The following SLC35F5 variants were observed in gnomAD, a reference collection of about 807,000 sequenced individuals.
SLC35F5 encodes HCV NS5A-transactivated protein 3.
Under a neutral mutation model 68.6 loss-of-function variants are expected in SLC35F5, and 54 were observed. The observed-to-expected ratio is 0.79, with a 90% CI of 0.63 to 0.99. The LOEUF (loss-of-function observed/expected upper bound fraction) is 0.99. Ranked by LOEUF, SLC35F5 falls within the 50% of genes least tolerant of loss-of-function variation. The pLI, the probability that SLC35F5 is intolerant of heterozygous loss-of-function variation, is 0.00. For missense variants in SLC35F5, 567 were observed against 626.9 expected (o/e 0.90, Z 1.02); for synonymous variants, 211 against 205.2 (o/e 1.03, Z -0.24).
chr2:113,706,123 T>G (rs1234309808), downstream of SLC35F5, among the ~76,000 whole-genome samples: 1 of 152,156 alleles, frequency 6.6e-6, no homozygotes, highest in East Asian at 1.9e-4. Context: ...TGGTCCCCAG[T>G]GCAAATGTGC....
At chr2:113,736,483 T>G (rs970244004) in intron 7 of SLC35F5, among the ~76,000 whole-genome samples, 1 of 151,980 alleles carries the variant, frequency 6.6e-6, no homozygotes, top group African/African-American at 2.4e-5. Flanking sequence ...CTGCTGACAC[T>G]CTGTTAAGTT....
chr2:113,755,462 A>C lies in SLC35F5; in HGVS notation c.123T>G (p.Leu41=). 6.2e-7 allele frequency: 1 copy of C among 1,614,120 alleles called. No individual in the cohort carries two copies. The stretch of plus-strand genomic sequence containing the variant: ...ATAAACGTGGAATCTACCTTGTCTT[A>C]AGAGCCCTTCTGAGATCCTCAAGAG... The part of the protein sequence containing the change: ...GIALEDLRRA[L]KTRLQMVCVF... Residue 41 remains leucine (L), a synonymous_variant, in exon 2 of 16, where the codon CTT becomes CTG. Coordinates refer to ENST00000245680, the MANE Select transcript of SLC35F5 (RefSeq NM_025181.5).
At chr2:113,722,728 G>A (rs1239786344) in intron 13 of SLC35F5, among the ~76,000 whole-genome samples, 1 of 152,202 alleles carries the variant, frequency 6.6e-6, no homozygotes, top group Non-Finnish European at 1.5e-5. Flanking sequence ...CAAACAGCAT[G>A]ATTCCTGTGC....
chr2:113,751,843 T>C (rs1352805446), intron 3 of SLC35F5, among the ~76,000 whole-genome samples: 2 of 152,014 alleles, frequency 1.3e-5, no homozygotes, highest in Admixed American at 6.6e-5. Context: ...CTATAATAAA[T>C]GGCCAAATCC....
At chr2:113,735,974 T>A in intron 7 of SLC35F5, 116 bp from the exon 8 acceptor site, 1 of 614,018 alleles carries the variant, frequency 1.6e-6, no homozygotes, top group Non-Finnish European at 2.8e-6. Context: ...CAAGATGTTT[T>A]AAAAGCTGCT....
intron 3 of SLC35F5, among the ~76,000 whole-genome samples, chr2:113,751,924 A>G (rs1676760503): frequency 6.6e-6 from 1 of 150,790 alleles, no homozygotes; most frequent in East Asian, 2.0e-4. Flanking sequence ...TTAAAGATTA[A>G]TAAGATGTCA....
chr2:113,745,405 G>A (rs1420436750), intron 5 of SLC35F5, among the ~76,000 whole-genome samples: 1 of 152,136 alleles, frequency 6.6e-6, no homozygotes, highest in Non-Finnish European at 1.5e-5. Context: ...TTAAATTTTA[G>A]AGTAACTAAA....
chr2:113,732,308 G>A (rs1467845773), intron 9 of SLC35F5, among the ~76,000 whole-genome samples: 1 of 152,012 alleles, frequency 6.6e-6, no homozygotes, highest in Non-Finnish European at 1.5e-5. Flanking sequence ...CAAAGCACTG[G>A]GTTACAGAAG....
In SLC35F5 at chr2:113,714,357, C is replaced by G. The variant is rs570892957; in HGVS notation, c.*861G>C. On this transcript the variant is annotated 3_prime_UTR_variant, in exon 16 of 16. Transcript: ENST00000245680. ...GATACATCTACAATACACAAATAGACGTATAAACATTGTATTTTAATAATA... is the reference window on the plus strand; with the variant it reads ...GATACATCTACAATACACAAATAGAGGTATAAACATTGTATTTTAATAATA... 1 of 152,040 alleles carries G rather than the reference C, an allele frequency of 6.6e-6. No homozygotes were observed. Among genetic ancestry groups the G allele is most frequent in the Non-Finnish European group, 1.5e-5 (1 of 67,972 alleles). The allele number at this position is 152,040 out of a possible 1,614,324, so 9.4% of individuals were successfully genotyped here.
chr2:113,755,052 A>G (rs1676911020), intron 3 of SLC35F5, 113 bp downstream of exon 3: 1 of 1,077,542 alleles, frequency 9.3e-7, no homozygotes. Flanking sequence ...ATTCAATAGT[A>G]TTTAAGATAC....
rs1202138590 is a variant in SLC35F5, at chr2:113,712,497, A to T, written c.*2721T>A. On this transcript the variant is annotated 3_prime_UTR_variant, in exon 16 of 16. Transcript: ENST00000245680. ...CGCCCGGCTAATTCTTTGTATTTTT[A>T]GTAGAGACGGGGTTTCACTGTGTTA... 6.6e-6 allele frequency among the ~76,000 whole-genome samples: 1 copy of T among 151,528 alleles called. No individual in the cohort carries two copies. The highest frequency in any genetic ancestry group is 1.9e-4 in the East Asian group (1 of 5,138).
At chr2:113,724,949 A>T (rs1262018422) in intron 12 of SLC35F5, among the ~76,000 whole-genome samples, 1 of 152,224 alleles carries the variant, frequency 6.6e-6, no homozygotes, top group Non-Finnish European at 1.5e-5. Context: ...AAAAACACCT[A>T]TGAACAAGCA....
chr2:113,746,927 A>G (rs909606189), intron 4 of SLC35F5, among the ~76,000 whole-genome samples: 1 of 139,548 alleles, frequency 7.2e-6, no homozygotes, highest in Non-Finnish European at 1.6e-5. Context: ...GTCTCAAAAA[A>G]AGAAAAAAAA....
intron 3 of SLC35F5, among the ~76,000 whole-genome samples, chr2:113,754,466 T>C (rs906344731): frequency 2.0e-5 from 3 of 152,182 alleles, no homozygotes; most frequent in Non-Finnish European, 4.4e-5. Context: ...AATTGCAACG[T>C]AGAAGTTGAA....
intron 6 of SLC35F5, 84 bp downstream of exon 6, chr2:113,743,629 G>A (rs1676370987): frequency 2.9e-6 from 3 of 1,047,336 alleles, no homozygotes; most frequent in Non-Finnish European, 4.3e-6. Flanking sequence ...ACTGCTACAT[G>A]TTTCAGTCAA....
rs1180798318 is a variant in SLC35F5, at chr2:113,709,890, C to T, written c.*5328G>A. Among the ~76,000 whole-genome samples the T allele has an allele frequency of 6.6e-6, 1 of 152,186 alleles. No homozygotes were observed. The highest frequency in any genetic ancestry group is 1.5e-5 in the Non-Finnish European group (1 of 68,024). Reference sequence around the variant, plus strand: ...GCAGTGGCCCAATAATAACTCACTGCAGCCTCGAACTCCTGGGTTCAAGTG... The same window carrying T: ...GCAGTGGCCCAATAATAACTCACTGTAGCCTCGAACTCCTGGGTTCAAGTG... On this transcript the variant is annotated 3_prime_UTR_variant, in exon 16 of 16. Coordinates refer to ENST00000245680, the MANE Select transcript of SLC35F5 (RefSeq NM_025181.5).
intron 13 of SLC35F5, among the ~76,000 whole-genome samples, chr2:113,720,567 A>C (rs1470046638): frequency 1.3e-5 from 2 of 152,182 alleles, no homozygotes; most frequent in Non-Finnish European, 2.9e-5. Flanking sequence ...CCCCGGAAAG[A>C]ATAGTCATTA....
chr2:113,735,836 T>G lies in SLC35F5; in HGVS notation c.773A>C (p.Tyr258Ser), dbSNP rs1193722870. The change falls in exon 8 of 16, where the codon TAT (tyrosine) becomes TCT (serine). Residue 258 changes from tyrosine to serine, a missense_variant. Tyr to Ser is a moderately radical substitution (Grantham distance 144). Coordinates refer to ENST00000245680, the MANE Select transcript of SLC35F5 (RefSeq NM_025181.5). ...TTGTGTGTCTGAAAGTGCTTCTTGA[T>G]ATGACAAATTTGCCAAAAACCACTA... ...CFVWFLANLS[Y>S]QEALSDTQVA... 1.9e-6 allele frequency: 3 copies of G among 1,610,136 alleles called. No homozygotes were observed. In the African/African-American group the frequency reaches 4.0e-5, roughly 22 times the overall value.
rs755545858 is a variant in SLC35F5 at position 113,719,295 on chromosome 2, C to T, written c.1355G>A (p.Trp452Ter). ...AGGGATAGCTCCTGCAAAAAATAAC[C>T]AAGAAAACTGCACCTAAAAATAAAA... ...DMCMQKVQFS[W>*]LFFAGAIPVF... The change falls in exon 14 of 16, where the codon TGG becomes TAG. Residue 452 changes from tryptophan to a stop codon, truncating the protein, a stop_gained. Transcript: ENST00000245680. LOFTEE classifies it high-confidence loss of function. The T allele has an allele frequency of 6.5e-7, 1 of 1,535,272 alleles. No homozygotes were observed. The highest frequency in any genetic ancestry group is 2.2e-5 in the Admixed American group (1 of 45,324).
Sources: gnomAD v4.1 joint callset for allele counts (sites outside exome capture counted in the v4.1 genomes callset) on GRCh38, gnomAD v4.1.1 for gene constraint, MANE v1.5 for transcripts, NCBI Gene and HGNC (gene_info 2026-07-23, HGNC 2026-07-21) for gene names.